The following ANKRD28 variants were observed in gnomAD, a reference collection of about 807,000 sequenced individuals.
ANKRD28 encodes the protein serine/threonine-protein phosphatase 6 regulatory ankyrin repeat subunit A.
ANKRD28 carries 44 observed loss-of-function variants against 126.5 expected under a neutral mutation model. That is an observed-to-expected ratio of 0.35 (90% CI 0.27 to 0.45). The LOEUF is 0.45. ANKRD28 is among the 20% of genes least tolerant of loss of function. The pLI, the probability that ANKRD28 is intolerant of heterozygous loss-of-function variation, is 1.00. For missense variants in ANKRD28, 1,110 were observed against 1,316.6 expected (o/e 0.84, Z 2.43); for synonymous variants, 442 against 468.5 (o/e 0.94, Z 0.73).
At chr3:15,735,532 G>T in intron 5 of ANKRD28, 35 bp from the exon 6 acceptor site, 1 of 1,458,006 alleles carries the variant, frequency 6.9e-7, no homozygotes, top group Non-Finnish European at 9.4e-7. Flanking sequence ...CATCAAAATT[G>T]TGAAGCACAA....
intron 4 of ANKRD28, among the ~76,000 whole-genome samples, chr3:15,747,810 T>G (rs1163032525): frequency 6.6e-6 from 1 of 152,186 alleles, no homozygotes; most frequent in Non-Finnish European, 1.5e-5. Flanking sequence ...TCCCCCACTA[T>G]TATTGTGTTG....
rs545668513 is a variant in ANKRD28 at position 15,845,992 on chromosome 3, T to C, written c.27+13385A>G. On this transcript the variant is annotated intron_variant, in intron 1 of 27. Coordinates refer to the ANKRD28 transcript ENST00000399451. This position sits in a 1 kb window ranked among gnomAD's most constrained non-coding sequence, Gnocchi z 4.9. ...TGGAGATTACAATTTGAGAAGAAAT[T>C]TGGGTGGGGACACAGAGCCAAACCA... Among the ~76,000 whole-genome samples, 2 of 152,004 alleles carry C rather than the reference T, an allele frequency of 1.3e-5. No homozygotes were observed. Among genetic ancestry groups the C allele is most frequent in the Non-Finnish European group, 2.9e-5 (2 of 67,986 alleles).
intron 3 of ANKRD28, among the ~76,000 whole-genome samples, chr3:15,758,650 C>A (rs1232970936): frequency 2.0e-5 from 3 of 152,164 alleles, no homozygotes; most frequent in African/African-American, 7.2e-5. Flanking sequence ...CTGAACAGAT[C>A]CTTCCCTCTC....
At chr3:15,714,738 A>T (rs1217134080) in intron 8 of ANKRD28, 82 bp from the exon 9 acceptor site, 4 of 898,664 alleles carry the variant, frequency 4.5e-6, no homozygotes, top group Non-Finnish European at 6.4e-6. Context: ...ACCCTCTTGC[A>T]TCTTTATTTT....
At chr3:15,704,502 TA>T (rs1329617228) in intron 14 of ANKRD28, among the ~76,000 whole-genome samples, 1 of 152,074 alleles carries the variant, frequency 6.6e-6, no homozygotes, top group African/African-American at 2.4e-5. Context: ...AGGGGATTTT[TA>T]AAAAACCATT....
At chr3:15,793,482 A>G (rs577635855) in intron 2 of ANKRD28, among the ~76,000 whole-genome samples, 1 of 152,240 alleles carries the variant, frequency 6.6e-6, no homozygotes, top group East Asian at 1.9e-4. Context: ...ATTTTTTTTT[A>G]ATTTAGGATA....
exon 1 of ANKRD28, chr3:15,859,580 C>CCGG (rs2061861474): frequency 4.5e-6 from 1 of 222,778 alleles, no homozygotes; most frequent in African/African-American, 2.5e-5. Flanking sequence ...TCCCCGGCCG[C>CCGG]CCGCCGCCGC....
chr3:15,670,358 T>A lies in ANKRD28; in HGVS notation c.3164A>T (p.Tyr1055Phe). Residue 1055 changes from tyrosine to phenylalanine, a missense_variant, in exon 28 of 28, where the codon TAT becomes TTT. Transcript: ENST00000683139. ...CCCTCCAATGTTATTGAAACTGCAA[T>A]AGGAGCTAGGTTCATTCCTCATGAT... ...LPIMRNEPSS[Y>F]CSFNNIGGEQ... is the part of the protein sequence containing the mutation. 6.2e-7 allele frequency: 1 copy of A among 1,613,768 alleles called. No homozygotes were observed. Among genetic ancestry groups the A allele is most frequent in the Non-Finnish European group, 8.5e-7 (1 of 1,179,748 alleles).
chr3:15,855,950 T>A (rs2061755914), intron 1 of ANKRD28, among the ~76,000 whole-genome samples: 1 of 152,234 alleles, frequency 6.6e-6, no homozygotes, highest in Admixed American at 6.5e-5. Context: ...TCGCAATTTT[T>A]AAAAAGTGTT....
rs576301848 is a variant in ANKRD28, at chr3:15,724,252, T to A, written c.783+130A>T. 3.8e-6 allele frequency: 3 copies of A among 791,792 alleles called. No individual in the cohort carries two copies. The East Asian group carries it at 8.1e-5, about 21-fold the overall frequency. 49.0% of individuals were successfully genotyped at this position (791,792 alleles called of 1,614,324 possible). On this transcript the variant is annotated intron_variant, in intron 7 of 27. Transcript: ENST00000683139. ...GTGCACTAGATATTATGTAAAGGAC[T>A]ATAAATATCCAATTAAAACATGAAA...
chr3:15,831,594 A>G (rs2061191589), intron 1 of ANKRD28, among the ~76,000 whole-genome samples: 1 of 152,168 alleles, frequency 6.6e-6, no homozygotes, highest in African/African-American at 2.4e-5. Flanking sequence ...TCCCCTCAAT[A>G]TTGAAAATCA....
At chr3:15,753,622 T>G (rs2057993594) in intron 3 of ANKRD28, among the ~76,000 whole-genome samples, 1 of 152,156 alleles carries the variant, frequency 6.6e-6, no homozygotes, top group Non-Finnish European at 1.5e-5. Flanking sequence ...TGAGGGATGC[T>G]GAGAAGTCTG....
At chr3:15,766,469 A>G (rs2058743654) in intron 2 of ANKRD28, among the ~76,000 whole-genome samples, 157 bp from the exon 3 acceptor site, 1 of 152,184 alleles carries the variant, frequency 6.6e-6, no homozygotes, top group South Asian at 2.1e-4. Context: ...AAGTCCCAAT[A>G]AAATAAAAGG....
intron 2 of ANKRD28, among the ~76,000 whole-genome samples, chr3:15,770,423 TA>T (rs1461264267): frequency 6.6e-6 from 1 of 150,626 alleles, no homozygotes; most frequent in African/African-American, 2.4e-5. Flanking sequence ...CATATATATA[TA>T]TATATTAGAT....
At chr3:15,778,766 G>A (rs905449120) in intron 2 of ANKRD28, among the ~76,000 whole-genome samples, 1 of 152,168 alleles carries the variant, frequency 6.6e-6, no homozygotes, top group East Asian at 1.9e-4. Flanking sequence ...AATGAGACCT[G>A]ATATGGTTTG....
intron 1 of ANKRD28, among the ~76,000 whole-genome samples, chr3:15,840,122 A>G (rs970226504): frequency 6.6e-6 from 1 of 152,206 alleles, no homozygotes; most frequent in Non-Finnish European, 1.5e-5. Flanking sequence ...TCTGCAGATG[A>G]TATGATCTTA....
chr3:15,778,007 G>A (rs932085253), intron 2 of ANKRD28, among the ~76,000 whole-genome samples: 5 of 151,692 alleles, frequency 3.3e-5, no homozygotes, highest in Non-Finnish European at 7.4e-5. Flanking sequence ...ATATTCATTC[G>A]CTTCTAACAC....
chr3:15,842,008 A>C (rs992473008), intron 1 of ANKRD28, among the ~76,000 whole-genome samples: 1 of 150,546 alleles, frequency 6.6e-6, no homozygotes, highest in Non-Finnish European at 1.5e-5. Context: ...CATAATTTAT[A>C]TGTATAATGT....
At chr3:15,855,191 TTG>T (rs969177057) in intron 1 of ANKRD28, among the ~76,000 whole-genome samples, 5 of 152,344 alleles carry the variant, frequency 3.3e-5, no homozygotes, top group Admixed American at 1.3e-4. Flanking sequence ...CCGTCATTTT[TTG>T]TGTGTGTTTT....
Sources: allele counts gnomAD v4.1 joint callset (sites outside exome capture counted in the v4.1 genomes callset), GRCh38; gene constraint gnomAD v4.1.1; non-coding constraint Gnocchi (gnomAD v3.1); transcripts MANE v1.5; gene names NCBI Gene and HGNC (gene_info 2026-07-23, HGNC 2026-07-21).